Variants in SAMD5 observed in about 807,000 individuals in gnomAD.
SAMD5 encodes sterile alpha motif domain-containing protein 5.
Under a neutral mutation model 11.3 loss-of-function variants are expected in SAMD5, and 13 were observed. The observed-to-expected ratio is 1.15, with a 90% CI of 0.75 to 1.83. SAMD5 has a LOEUF of 1.83. Among genes scored for constraint, SAMD5 ranks in the 40% most tolerant of loss-of-function variants. The probability of loss-of-function intolerance (pLI) is 0.00; values close to 1 mark genes in which losing one functional copy is unlikely to be tolerated. For missense variants in SAMD5, 255 were observed against 239.1 expected, an observed-to-expected ratio of 1.07 and a Z score of -0.44; for synonymous variants, 129 against 111.3, an observed-to-expected ratio of 1.16 and a Z score of -1.00.
the SAMD5 span, among the ~76,000 whole-genome samples, chr6:147,950,988 A>C: frequency 8.0e-5 from 12 of 150,906 alleles, no homozygotes; most frequent in Non-Finnish European, 7.4e-5. Flanking sequence ...CCATGTAATA[A>C]ATTCTAAGAT....
chr6:147,646,854 A>G (rs999028991), intron 1 of SAMD5, among the ~76,000 whole-genome samples: 8 of 151,820 alleles, frequency 5.3e-5, no homozygotes, highest in African/African-American at 1.7e-4. Flanking sequence ...GAAAATCATA[A>G]AGGCCAGGCG....
At chr6:147,843,967 G>T in the SAMD5 span, among the ~76,000 whole-genome samples, 1 of 151,990 alleles carries the variant, frequency 6.6e-6, no homozygotes, top group Non-Finnish European at 1.5e-5. Flanking sequence ...AAAAGCACAA[G>T]CAACAAAAGC....
downstream of SAMD5, among the ~76,000 whole-genome samples, chr6:147,740,849 T>C (rs556081219): frequency 6.6e-6 from 1 of 152,312 alleles, no homozygotes; most frequent in East Asian, 1.9e-4. Flanking sequence ...AGGCTAAACA[T>C]ACACACGAAG....
At chr6:147,675,357 C>A (rs912638771) in intron 1 of SAMD5, among the ~76,000 whole-genome samples, 2 of 152,166 alleles carry the variant, frequency 1.3e-5, no homozygotes, top group Non-Finnish European at 2.9e-5. Context: ...AGAACCCATC[C>A]TGAACGTGTT....
the SAMD5 span, among the ~76,000 whole-genome samples, chr6:147,920,490 T>C: frequency 6.6e-6 from 1 of 152,192 alleles, no homozygotes; most frequent in Non-Finnish European, 1.5e-5. Flanking sequence ...AGATGGCCTA[T>C]TGTAGGACTT....
the SAMD5 span, among the ~76,000 whole-genome samples, chr6:147,932,567 G>A: frequency 6.6e-6 from 1 of 150,626 alleles, no homozygotes. Context: ...TGAAAATAGA[G>A]CTGTGTCAGG....
At chr6:147,923,885 ACC>A in the SAMD5 span, among the ~76,000 whole-genome samples, 1 of 152,290 alleles carries the variant, frequency 6.6e-6, no homozygotes, top group East Asian at 1.9e-4. Flanking sequence ...AGGCCTAGAC[ACC>A]CCATCTTGCA....
At chr6:147,670,932 C>T (rs1023316021) in intron 1 of SAMD5, among the ~76,000 whole-genome samples, 1 of 152,178 alleles carries the variant, frequency 6.6e-6, no homozygotes, top group Non-Finnish European at 1.5e-5. Context: ...AGCTTTTGGC[C>T]CATCTTGGCT....
At chr6:147,654,833 A>G (rs190256762) in intron 1 of SAMD5, among the ~76,000 whole-genome samples, 114 of 152,142 alleles carry the variant, frequency 7.5e-4, no homozygotes, top group African/African-American at 2.5e-3. Context: ...CCTTCCCAAC[A>G]ATTAGAATTT....
intron 1 of SAMD5, chr6:147,733,654 T>A (rs1791752194): frequency 5.0e-6 from 1 of 199,798 alleles, no homozygotes; most frequent in Admixed American, 6.5e-5. Flanking sequence ...AATTACTTTA[T>A]TCTCTCCTCC....
intron 1 of SAMD5, among the ~76,000 whole-genome samples, chr6:147,598,167 C>T (rs567946151): frequency 6.9e-4 from 104 of 151,796 alleles, no homozygotes; most frequent in African/African-American, 2.2e-3. Flanking sequence ...CTCTGTTGCC[C>T]GAGCTGGATT....
At position 147,680,223 on chromosome 6, in the gene SAMD5, T is replaced by C. The variant is rs149750329; in HGVS notation, c.163-57094T>C. On this transcript the variant is annotated intron_variant, in intron 1 of 1. Transcript: ENST00000566741. ...TTCCTAACCTTTCTCAGCTCTACCT[T>C]GTAGATATAAATGTGCAGGTCTTGC... Among the ~76,000 whole-genome samples, 1,188 of 152,152 alleles carry C rather than the reference T, an allele frequency of 7.8e-3. 11 individuals carry two copies. Among genetic ancestry groups the C allele is most frequent in the Non-Finnish European group, 0.014 (929 of 67,926 alleles).
chr6:147,679,250 T>C (rs1790906758), intron 1 of SAMD5, among the ~76,000 whole-genome samples: 1 of 152,168 alleles, frequency 6.6e-6, no homozygotes, highest in African/African-American at 2.4e-5. Flanking sequence ...CCAAAGCAGT[T>C]GTATCATTTT....
the SAMD5 span, among the ~76,000 whole-genome samples, chr6:147,853,506 G>A: frequency 6.6e-5 from 10 of 151,974 alleles, no homozygotes; most frequent in East Asian, 3.9e-4. Context: ...AAAGGGTAGC[G>A]AATAGTATAT....
intron 1 of SAMD5, among the ~76,000 whole-genome samples, chr6:147,646,939 A>G (rs1002562203): frequency 2.0e-5 from 3 of 150,642 alleles, no homozygotes; most frequent in Non-Finnish European, 3.0e-5. Context: ...GGAGTTCAAG[A>G]CCAGCCTGGC....
At chr6:147,889,674 G>T in the SAMD5 span, among the ~76,000 whole-genome samples, 1 of 152,120 alleles carries the variant, frequency 6.6e-6, no homozygotes, top group Non-Finnish European at 1.5e-5. Context: ...TCCTAAATAT[G>T]CTCCCCAACA....
the SAMD5 span, among the ~76,000 whole-genome samples, chr6:147,916,375 T>C: frequency 2.0e-5 from 3 of 152,154 alleles, no homozygotes; most frequent in Non-Finnish European, 4.4e-5. Flanking sequence ...ACCAACAGTG[T>C]AAAAGTGTTC....
At chr6:147,610,883 T>G (rs1416717999) in intron 1 of SAMD5, among the ~76,000 whole-genome samples, 1 of 151,488 alleles carries the variant, frequency 6.6e-6, no homozygotes, top group East Asian at 1.9e-4. Flanking sequence ...TTTTTTTTTT[T>G]TTTTGAGATG....
chr6:147,722,986 A>G (rs989042315), intron 1 of SAMD5, among the ~76,000 whole-genome samples: 2 of 151,598 alleles, frequency 1.3e-5, no homozygotes, highest in East Asian at 3.9e-4. Flanking sequence ...GGGAAGCTGA[A>G]GGCTATTTCC....
Sources: gnomAD v4.1 joint callset for allele counts (sites outside exome capture counted in the v4.1 genomes callset) on GRCh38, gnomAD v4.1.1 for gene constraint, MANE v1.5 for transcripts, NCBI Gene and HGNC (gene_info 2026-07-23, HGNC 2026-07-21) for gene names.